The following CHODL variants were observed in gnomAD, a reference collection of about 807,000 sequenced individuals.
The protein encoded by CHODL is chondrolectin, also known as transmembrane protein MT75.
Under a neutral mutation model 34.5 loss-of-function variants are expected in CHODL, and 29 were observed. The observed-to-expected ratio is 0.84, with a 90% CI of 0.63 to 1.15. The LOEUF is 1.15. CHODL is among the 50% of genes most tolerant of loss of function. The pLI, the probability that CHODL is intolerant of heterozygous loss-of-function variation, is 0.00. For synonymous variants in CHODL, 125 were observed against 116.1 expected (o/e 1.08, Z -0.49); for missense variants, 332 against 332.5 (o/e 1.00, Z 0.01).
chr21:17,923,857 G>T (rs1347116917), intron 1 of CHODL, among the ~76,000 whole-genome samples: 2 of 152,194 alleles, frequency 1.3e-5, no homozygotes, highest in Non-Finnish European at 2.9e-5. Context: ...TACTCATGTG[G>T]AACTAGAAAG....
chr21:18,114,593 C>T (rs1403948419), intron 2 of CHODL, among the ~76,000 whole-genome samples: 5 of 152,114 alleles, frequency 3.3e-5, no homozygotes, highest in Non-Finnish European at 5.9e-5. Context: ...GCTTAGCTGC[C>T]TGGCTAATTT....
rs1401962212 is a variant in CHODL, at chr21:18,093,496, A to G, written c.-45+65525A>G. ...TTCTCTTAAGTAGAAAGAATAAATTATGAACCAATCAAAAAGAATAACTAC... is the reference window on the plus strand; with the variant it reads ...TTCTCTTAAGTAGAAAGAATAAATTGTGAACCAATCAAAAAGAATAACTAC... On this transcript the variant is annotated intron_variant, in intron 2 of 6. Transcript: ENST00000400127. Among the ~76,000 whole-genome samples the G allele has an allele frequency of 6.3e-5, 8 of 126,914 alleles. No individual in the cohort carries two copies. In the East Asian group the frequency reaches 1.6e-3, roughly 25 times the overall value. The allele number at this position is 126,914 out of a possible 152,430, so 83.3% of individuals were successfully genotyped here.
upstream of CHODL, among the ~76,000 whole-genome samples, chr21:18,243,360 T>C (rs1463393407): frequency 1.3e-5 from 2 of 152,174 alleles, no homozygotes; most frequent in Non-Finnish European, 2.9e-5. Context: ...CCATTTTTCA[T>C]TCAGAATCCC....
At chr21:18,077,171 G>T (rs534536100) in intron 2 of CHODL, among the ~76,000 whole-genome samples, 1 of 152,254 alleles carries the variant, frequency 6.6e-6, no homozygotes, top group African/African-American at 2.4e-5. Flanking sequence ...CTTGGGATCT[G>T]TCACTCATTT....
chr21:18,190,960 C>T (rs574630848), intron 2 of CHODL, among the ~76,000 whole-genome samples: 134 of 152,174 alleles, frequency 8.8e-4, no homozygotes, highest in African/African-American at 1.7e-3. Flanking sequence ...TTTGGAGGTT[C>T]CTTGCTTACA....
At chr21:17,929,847 A>C (rs1267892771) in intron 1 of CHODL, among the ~76,000 whole-genome samples, 2 of 151,936 alleles carry the variant, frequency 1.3e-5, no homozygotes, top group African/African-American at 2.4e-5. Flanking sequence ...GGGGAGGCCA[A>C]GTACTTTTGC....
intron 1 of CHODL, among the ~76,000 whole-genome samples, chr21:17,974,349 T>G (rs749416085): frequency 5.9e-5 from 9 of 152,172 alleles, no homozygotes; most frequent in Non-Finnish European, 1.3e-4. Context: ...CTTGGCTCAC[T>G]GCAACCTCCG....
At chr21:18,100,327 G>C (rs2065197883) in intron 2 of CHODL, among the ~76,000 whole-genome samples, 1 of 115,628 alleles carries the variant, frequency 8.6e-6, no homozygotes, top group Admixed American at 8.1e-5. Context: ...AGGTAGACAG[G>C]ATGATAATGT....
chr21:18,189,372 A>G (rs978193465), intron 2 of CHODL, among the ~76,000 whole-genome samples: 2 of 152,200 alleles, frequency 1.3e-5, no homozygotes, highest in Non-Finnish European at 2.9e-5. Flanking sequence ...TGTGTATGCC[A>G]TATGTTGTTT....
At chr21:18,058,956 A>C (rs1481795659) in intron 2 of CHODL, among the ~76,000 whole-genome samples, 2 of 152,270 alleles carry the variant, frequency 1.3e-5, no homozygotes, top group East Asian at 3.9e-4. Context: ...TAGCGCCTAT[A>C]TGAAGACAAT....
chr21:17,976,906 C>T (rs74755865), intron 1 of CHODL, among the ~76,000 whole-genome samples: 4,826 of 152,178 alleles, frequency 0.032, 110 homozygotes, highest in Non-Finnish European at 0.05. Flanking sequence ...TGGGATGGTT[C>T]TTGGAAATGC....
intron 1 of CHODL, chr21:18,024,766 C>T (rs1168986357): frequency 6.6e-6 from 1 of 152,122 alleles, no homozygotes; most frequent in Non-Finnish European, 1.5e-5. Flanking sequence ...AAAGTCCACG[C>T]AGAACTGTAA....
chr21:18,245,077 G>A lies in CHODL; in HGVS notation c.-147G>A, dbSNP rs1277218048. 3.2e-6 allele frequency: 2 copies of A among 623,174 alleles called. No homozygotes were observed. Among genetic ancestry groups the A allele is most frequent in the Non-Finnish European group, 5.0e-6 (2 of 398,828 alleles). 38.6% of individuals were successfully genotyped at this position (623,174 alleles called of 1,614,324 possible). On this transcript the variant is annotated 5_prime_UTR_variant, in exon 1 of 6. Transcript: ENST00000299295. ...GGCAGGTCCCGGCCGAAGGCGATGC[G>A]CGCAGGGGGTCGGGCAGCTGGGCTC...
chr21:17,963,995 A>G (rs2063552768), intron 1 of CHODL, among the ~76,000 whole-genome samples: 1 of 152,160 alleles, frequency 6.6e-6, no homozygotes, highest in Non-Finnish European at 1.5e-5. Flanking sequence ...AAATATACAC[A>G]GTTATGGGAA....
chr21:18,158,362 C>T (rs1028638445), intron 2 of CHODL, among the ~76,000 whole-genome samples: 1 of 152,104 alleles, frequency 6.6e-6, no homozygotes, highest in African/African-American at 2.4e-5. Context: ...GAAGGTGCTT[C>T]ACATAAAAAG....
At chr21:18,011,513 C>G (rs966652229) in intron 1 of CHODL, among the ~76,000 whole-genome samples, 2 of 152,038 alleles carry the variant, frequency 1.3e-5, no homozygotes, top group Non-Finnish European at 1.5e-5. Flanking sequence ...ATATTATTTT[C>G]TCTTATTGAA....
chr21:18,190,132 C>A (rs1423942755), intron 2 of CHODL, among the ~76,000 whole-genome samples: 1 of 151,910 alleles, frequency 6.6e-6, no homozygotes, highest in Non-Finnish European at 1.5e-5. Context: ...TTATTATGCC[C>A]TTCTATCTTA....
At chr21:18,242,321 G>C (rs1001796303), upstream of CHODL, among the ~76,000 whole-genome samples, 1 of 152,024 alleles carries the variant, frequency 6.6e-6, no homozygotes, top group African/African-American at 2.4e-5. Flanking sequence ...TAAAATTATT[G>C]AATATTTGTT....
rs2063336099 is a variant in CHODL at position 17,938,496 on chromosome 21, G to GTTTTTTTTTTTTTTTTTTTTTTTTTT, written c.-145+21096_-145+21097insTTTTTTTTTTTTTTTTTTTTTTTTTT. Among the ~76,000 whole-genome samples the GTTTTTTTTTTTTTTTTTTTTTTTTTT allele has an allele frequency of 1.1e-4, 5 of 43,684 alleles. 2 individuals carry two copies. Among genetic ancestry groups the GTTTTTTTTTTTTTTTTTTTTTTTTTT allele is most frequent in the African/African-American group, 3.7e-4 (4 of 10,948 alleles). The allele number at this position is 43,684 out of a possible 152,430, so 28.7% of individuals were successfully genotyped here. A position where few individuals can be genotyped will look rare whatever the true frequency, so the allele number is the denominator to read the frequency against. On this transcript the variant is annotated intron_variant, in intron 1 of 6. Coordinates refer to the CHODL transcript ENST00000400127. ...TTTTTTTTTTTTTTTTTTTTTTTAA[G>GTTTTTTTTTTTTTTTTTTTTTTTTTT]GAAAGGGAGTCTCGCTCCATCGCCC...
Sources: allele counts gnomAD v4.1 joint callset (sites outside exome capture counted in the v4.1 genomes callset), GRCh38; gene constraint gnomAD v4.1.1; transcripts MANE v1.5; gene names NCBI Gene and HGNC (gene_info 2026-07-23, HGNC 2026-07-21).